The following GPM6A variants were observed in gnomAD, a reference collection of about 807,000 sequenced individuals.
The protein encoded by GPM6A is glycoprotein M6A.
Under a neutral mutation model 32.1 loss-of-function variants are expected in GPM6A, and 7 were observed. That is an observed-to-expected ratio of 0.22 (90% CI 0.12 to 0.41). The LOEUF (loss-of-function observed/expected upper bound fraction) is 0.41, where lower values mean the gene tolerates loss of function less well. Ranked by LOEUF, GPM6A falls within the 10% of genes least tolerant of loss-of-function variation. GPM6A has a pLI of 1.00. For synonymous variants in GPM6A, 130 were observed against 123.4 expected (o/e 1.05, Z -0.35); for missense variants, 235 against 347.2 (o/e 0.68, Z 2.57).
chr4:175,915,951 T>C (rs888568747), intron 1 of GPM6A, among the ~76,000 whole-genome samples: 2 of 152,226 alleles, frequency 1.3e-5, no homozygotes, highest in African/African-American at 4.8e-5. Flanking sequence ...GACTGGGTCA[T>C]CCATCCATCT....
intron 2 of GPM6A, among the ~76,000 whole-genome samples, chr4:175,681,160 G>A (rs1743662418): frequency 6.6e-6 from 1 of 152,118 alleles, no homozygotes. Flanking sequence ...ATGTAGTTTT[G>A]TTACGTATTG....
chr4:175,637,320 A>ATATATAT (rs1347045115), intron 6 of GPM6A, among the ~76,000 whole-genome samples: 1 of 42,680 alleles, frequency 2.3e-5, no homozygotes, highest in Non-Finnish European at 3.6e-5. Flanking sequence ...ATAATATAAA[A>ATATATAT]TATATATTAT....
chr4:175,983,057 G>T (rs1452460741), intron 1 of GPM6A, among the ~76,000 whole-genome samples: 1 of 152,048 alleles, frequency 6.6e-6, no homozygotes, highest in Admixed American at 6.6e-5. Flanking sequence ...GACTTTTATT[G>T]CAGGCTGCAT....
rs34417872 is a variant in GPM6A at position 175,948,958 on chromosome 4, AGTGTGTGTGTGT to A, written c.-23+53339_-23+53350del. 3.6e-4 allele frequency among the ~76,000 whole-genome samples: 52 copies of A among 144,812 alleles called. 1 individual carries two copies. The South Asian group carries it at 4.7e-3, about 13-fold the overall frequency. The stretch of plus-strand genomic sequence containing the variant: ...ACCAACAAGACTGCATTTGGTGGTA[AGTGTGTGTGTGT>A]GTGTGTGTGTGTGTGTGTGTGTGTT... On this transcript the variant is annotated intron_variant, in intron 1 of 7. Coordinates refer to the GPM6A transcript ENST00000280187.
intron 1 of GPM6A, among the ~76,000 whole-genome samples, chr4:175,721,045 TA>T (rs1194683712): frequency 1.5e-5 from 2 of 131,520 alleles, no homozygotes; most frequent in African/African-American, 2.9e-5. Flanking sequence ...ATATATTATA[TA>T]TATATATGTA....
intron 1 of GPM6A, among the ~76,000 whole-genome samples, chr4:175,901,193 A>G (rs1337232386): frequency 6.6e-6 from 1 of 152,132 alleles, no homozygotes; most frequent in Non-Finnish European, 1.5e-5. Flanking sequence ...AGGTACAAAA[A>G]AAATTAGAAA....
intron 2 of GPM6A, among the ~76,000 whole-genome samples, chr4:175,679,527 C>T (rs1280197072): frequency 6.6e-6 from 1 of 152,162 alleles, no homozygotes. Flanking sequence ...CCGGTCAAAA[C>T]TTCTCCCCAA....
intron 1 of GPM6A, among the ~76,000 whole-genome samples, chr4:175,805,354 T>C (rs1390010781): frequency 6.6e-6 from 1 of 152,154 alleles, no homozygotes; most frequent in Admixed American, 6.5e-5. Context: ...ACCATAAAAA[T>C]GTAGAAAATA....
intron 1 of GPM6A, among the ~76,000 whole-genome samples, chr4:175,918,359 G>A (rs1163326316): frequency 1.3e-5 from 2 of 152,154 alleles, no homozygotes; most frequent in African/African-American, 2.4e-5. Context: ...GTTACATGTG[G>A]AAGAGGCTTT....
intron 4 of GPM6A, among the ~76,000 whole-genome samples, chr4:175,647,108 T>A (rs1161806353): frequency 6.6e-6 from 1 of 152,224 alleles, no homozygotes. Flanking sequence ...TTTATGGAAA[T>A]AAGATAAAAA....
intron 1 of GPM6A, among the ~76,000 whole-genome samples, chr4:175,817,835 T>A (rs1200856601): frequency 6.6e-6 from 1 of 152,218 alleles, no homozygotes; most frequent in Admixed American, 6.5e-5. Context: ...TATTCAGTAG[T>A]CTCGTGCTGG....
chr4:175,907,973 C>G (rs1011000537), intron 1 of GPM6A, among the ~76,000 whole-genome samples: 3 of 152,076 alleles, frequency 2.0e-5, no homozygotes, highest in African/African-American at 7.2e-5. Context: ...TATTCTTCGT[C>G]TCCTACACTG....
Position 175,978,965 on chromosome 4 carries a change from C to CAA in GPM6A, c.-23+23342_-23+23343dup, listed in dbSNP as rs761305638. Among the ~76,000 whole-genome samples, 56 of 125,428 alleles carry CAA rather than the reference C, an allele frequency of 4.5e-4. 1 individual carries two copies. The highest frequency in any genetic ancestry group is 1.3e-3 in the African/African-American group (42 of 33,366). The allele number at this position is 125,428 out of a possible 152,430, so 82.3% of individuals were successfully genotyped here. A position where few individuals can be genotyped will look rare whatever the true frequency, so the allele number is the denominator to read the frequency against. On this transcript the variant is annotated intron_variant, in intron 1 of 7. Coordinates refer to the GPM6A transcript ENST00000280187. The stretch of plus-strand genomic sequence containing the variant: ...AAAGCCTAAAACTGTCCATTTAAAG[C>CAA]AAAAAAAAAAAAAATCCAAATTGAA...
rs910393197 is a variant in GPM6A, at chr4:175,984,569, T to C, written c.-23+17740A>G. Among the ~76,000 whole-genome samples, 43 of 152,194 alleles carry C rather than the reference T, an allele frequency of 2.8e-4. 1 individual carries two copies. The highest frequency in any genetic ancestry group is 2.8e-3 in the Admixed American group (43 of 15,274). Reference sequence around the variant, plus strand: ...TTAACACTTAAAAAAATCCAACCTGTTTTTCAATATTTTATTGCTTCATAG... The same window carrying C: ...TTAACACTTAAAAAAATCCAACCTGCTTTTCAATATTTTATTGCTTCATAG... On this transcript the variant is annotated intron_variant, in intron 1 of 7. Coordinates refer to the GPM6A transcript ENST00000280187.
In GPM6A at chr4:175,993,229, G is replaced by C. The variant is rs548670890; in HGVS notation, c.-23+9080C>G. ...CCTTGTAATCTGGTCTATGAGAGCA[G>C]ACTTGTATCTTCACTCCTTTATTAA... On this transcript the variant is annotated intron_variant, in intron 1 of 7. Coordinates refer to the GPM6A transcript ENST00000280187. Among the ~76,000 whole-genome samples the C allele has an allele frequency of 4.7e-5, 7 of 149,110 alleles. No homozygotes were observed. The South Asian group carries it at 1.5e-3, about 32-fold the overall frequency.
chr4:175,809,635 A>T (rs868704859), intron 1 of GPM6A, among the ~76,000 whole-genome samples: 2 of 152,158 alleles, frequency 1.3e-5, no homozygotes, highest in African/African-American at 4.8e-5. Flanking sequence ...GAAGTCACCC[A>T]TACTGTTAAA....
At chr4:175,868,450 A>G (rs1427336284) in intron 1 of GPM6A, among the ~76,000 whole-genome samples, 5 of 152,184 alleles carry the variant, frequency 3.3e-5, no homozygotes, top group African/African-American at 1.2e-4. Flanking sequence ...TTCTCAATTT[A>G]TGCACTTAAT....
At chr4:175,952,062 A>G (rs1739833375) in intron 1 of GPM6A, among the ~76,000 whole-genome samples, 1 of 152,230 alleles carries the variant, frequency 6.6e-6, no homozygotes, top group South Asian at 2.1e-4. Flanking sequence ...ACACAGACAC[A>G]CATTCTGCTG....
chr4:175,987,598 AGCT>A (rs1741018708), intron 1 of GPM6A, among the ~76,000 whole-genome samples: 1 of 151,424 alleles, frequency 6.6e-6, no homozygotes, highest in Non-Finnish European at 1.5e-5. Context: ...GACTTTGTTA[AGCT>A]ATTTGACTTA....
Sources: allele counts gnomAD v4.1 joint callset (sites outside exome capture counted in the v4.1 genomes callset), GRCh38; gene constraint gnomAD v4.1.1; transcripts MANE v1.5; gene names NCBI Gene and HGNC (gene_info 2026-07-23, HGNC 2026-07-21).